Variants in PCDHGA4 observed in about 807,000 individuals in gnomAD.
PCDHGA4 encodes the protein protocadherin gamma subfamily A, 4, also known as protocadherin gamma-A4.
In PCDHGA4, 38 loss-of-function variants were observed where a neutral mutation model predicts 54.6. The observed-to-expected ratio is 0.70, with a 90% confidence interval of 0.54 to 0.91. The LOEUF (loss-of-function observed/expected upper bound fraction) is 0.91. Ranked by LOEUF, PCDHGA4 falls within the 40% of genes least tolerant of loss-of-function variation. The pLI, the probability that PCDHGA4 is intolerant of heterozygous loss-of-function variation, is 0.00. For synonymous variants in PCDHGA4, 511 were observed against 512.9 expected (o/e 1.00, Z 0.05); for missense variants, 1,298 against 1,220.9 (o/e 1.06, Z -0.94).
chr5:141,405,394 CTT>C lies in PCDHGA4; in HGVS notation c.2514+47775_2514+47776del, dbSNP rs1561700295. 3.8e-6 allele frequency: 6 copies of C among 1,593,014 alleles called. No individual in the cohort carries two copies. In the Admixed American group the frequency reaches 7.1e-5, roughly 19 times the overall value. On this transcript the variant is annotated intron_variant, in intron 1 of 3. Transcript: ENST00000571252. ...TGGTTCCGGTGAGTTCATTTTTTTT[CTT>C]TCTTTCTTTTCTTTTTTTGTTTTTT...
At position 141,431,026 on chromosome 5, in the gene PCDHGA4, G is replaced by A; in HGVS notation, c.2515-63781G>A. On this transcript the variant is annotated intron_variant, in intron 1 of 3. Coordinates refer to ENST00000571252, the MANE Select transcript of PCDHGA4 (RefSeq NM_018917.4). This position sits in a 1 kb window ranked among gnomAD's most constrained non-coding sequence, Gnocchi z 4.8. Reference sequence around the variant, plus strand: ...GCGGCAGCTTGGTCACGGCGGGCAGGATAGACCGGGAGGAGCTCTGTATGG... The same window carrying A: ...GCGGCAGCTTGGTCACGGCGGGCAGAATAGACCGGGAGGAGCTCTGTATGG... The A allele has an allele frequency of 1.2e-6, 2 of 1,614,118 alleles. No homozygotes were observed. The highest frequency in any genetic ancestry group is 1.7e-6 in the Non-Finnish European group (2 of 1,179,960).
Position 141,477,902 on chromosome 5 carries a change from T to A in PCDHGA4, c.2515-16905T>A. ...CCACCTAGTGTCACGGGTGGTAGGC[T>A]GGGACGCGGATGCAGGGCACAATGC... On this transcript the variant is annotated intron_variant, in intron 1 of 3. Transcript: ENST00000571252. The surrounding 1 kb of genome is among the most constrained non-coding windows in gnomAD (Gnocchi z 4.9). The A allele has an allele frequency of 6.2e-7, 1 of 1,614,176 alleles. No homozygotes were observed. Among genetic ancestry groups the A allele is most frequent in the Non-Finnish European group, 8.5e-7 (1 of 1,180,028 alleles).
chr5:141,402,563 T>C (rs2094279860), intron 1 of PCDHGA4, among the ~76,000 whole-genome samples: 1 of 152,232 alleles, frequency 6.6e-6, no homozygotes, highest in African/African-American at 2.4e-5. Flanking sequence ...TTCCACTTTA[T>C]TTACAACTCA....
In PCDHGA4 at chr5:141,359,468, C is replaced by T. The variant is rs539474224; in HGVS notation, c.2514+1847C>T. On this transcript the variant is annotated intron_variant, in intron 1 of 3. Transcript: ENST00000571252. ...TTAGCAAATAACAATTTTGATTAAACAAATTGTTGTATATTCATATTACGG... is the reference window on the plus strand; with the variant it reads ...TTAGCAAATAACAATTTTGATTAAATAAATTGTTGTATATTCATATTACGG... 1.8e-4 allele frequency among the ~76,000 whole-genome samples: 27 copies of T among 150,682 alleles called. No homozygotes were observed. In the South Asian group the frequency reaches 4.9e-3, roughly 27 times the overall value.
At chr5:141,389,498 A>T (rs376900362) in intron 1 of PCDHGA4, 6 of 1,612,928 alleles carry the variant, frequency 3.7e-6, no homozygotes, top group African/African-American at 1.3e-5. Context: ...AGGGCTCGCC[A>T]GCGCTCAGCG....
chr5:141,459,285 A>G (rs1316912878), intron 1 of PCDHGA4, among the ~76,000 whole-genome samples: 1 of 152,202 alleles, frequency 6.6e-6, no homozygotes, highest in Non-Finnish European at 1.5e-5. Context: ...TTTCATCTAA[A>G]TGGAATCCTA....
At chr5:141,403,102 G>T (rs765706858) in intron 1 of PCDHGA4, 1 of 1,614,046 alleles carries the variant, frequency 6.2e-7, no homozygotes, top group Admixed American at 1.7e-5. Context: ...ACATCTCCAA[G>T]GACCTGGCTC....
intron 1 of PCDHGA4, chr5:141,428,221 G>A (rs1314522513): frequency 5.9e-6 from 7 of 1,177,278 alleles, no homozygotes; most frequent in Non-Finnish European, 8.6e-6. Context: ...CCTAGTCTTC[G>A]CAGACAGCCT....
intron 1 of PCDHGA4, chr5:141,388,620 G>A (rs2091421768): frequency 6.2e-7 from 1 of 1,613,912 alleles, no homozygotes; most frequent in East Asian, 2.2e-5. Flanking sequence ...CAGTCAAGAC[G>A]TATACAGGGT....
At chr5:141,365,752 G>A in intron 1 of PCDHGA4, 1 of 1,613,696 alleles carries the variant, frequency 6.2e-7, no homozygotes, top group African/African-American at 1.3e-5. Flanking sequence ...TCTTCTCTGT[G>A]ACAGCCCATG....
chr5:141,394,535 C>T, intron 1 of PCDHGA4: 1 of 1,614,210 alleles, frequency 6.2e-7, no homozygotes, highest in Non-Finnish European at 8.5e-7. Flanking sequence ...GTTCCACTGG[C>T]GTGGAGCTGG....
chr5:141,485,416 C>T lies in PCDHGA4; in HGVS notation c.2515-9391C>T, dbSNP rs1311879785. On this transcript the variant is annotated intron_variant, in intron 1 of 3. Coordinates refer to ENST00000571252, the MANE Select transcript of PCDHGA4 (RefSeq NM_018917.4). This position sits in a 1 kb window ranked among gnomAD's most constrained non-coding sequence, Gnocchi z 5.7. Reference sequence around the variant, plus strand: ...GACACTTCCGTGTGGATTTGGACAGCGGAGCCCTGCTCATCAAGAACCCAA... The same window carrying T: ...GACACTTCCGTGTGGATTTGGACAGTGGAGCCCTGCTCATCAAGAACCCAA... 10 of 1,613,988 alleles carry T rather than the reference C, an allele frequency of 6.2e-6. No individual in the cohort carries two copies. Among genetic ancestry groups the T allele is most frequent in the South Asian group, 4.4e-5 (4 of 91,086 alleles).
intron 1 of PCDHGA4, chr5:141,410,503 A>G: frequency 6.2e-7 from 1 of 1,613,958 alleles, no homozygotes; most frequent in Non-Finnish European, 8.5e-7. Context: ...TTAATTTCCT[A>G]AAATGCAGTG....
At chr5:141,459,302 A>T (rs1401348885) in intron 1 of PCDHGA4, among the ~76,000 whole-genome samples, 1 of 152,210 alleles carries the variant, frequency 6.6e-6, no homozygotes, top group African/African-American at 2.4e-5. Flanking sequence ...CCTATAACAT[A>T]TACTATTTTG....
intron 1 of PCDHGA4, chr5:141,376,074 T>C (rs1309324229): frequency 6.2e-6 from 10 of 1,613,500 alleles, no homozygotes; most frequent in South Asian, 1.1e-5. Flanking sequence ...ACCGTGGCCG[T>C]GGCCGACAGG....
intron 1 of PCDHGA4, chr5:141,418,471 G>A (rs199547102): frequency 1.9e-6 from 3 of 1,614,002 alleles, no homozygotes; most frequent in South Asian, 2.2e-5. Flanking sequence ...ACCGAGAAAC[G>A]CAGAGCGCTC....
chr5:141,420,321 C>G (rs763682825), intron 1 of PCDHGA4: 2 of 1,410,974 alleles, frequency 1.4e-6, no homozygotes, highest in Non-Finnish European at 1.9e-6. Flanking sequence ...TACAATATGC[C>G]AATATATTCC....
intron 1 of PCDHGA4, chr5:141,418,959 C>A: frequency 6.2e-7 from 1 of 1,613,976 alleles, no homozygotes; most frequent in East Asian, 2.2e-5. Flanking sequence ...GTGGTTGTTG[C>A]CCTCTTCAAA....
rs376937850 is a variant in PCDHGA4 at position 141,491,097 on chromosome 5, C to T, written c.2515-3710C>T. The T allele has an allele frequency of 1.2e-6, 2 of 1,614,170 alleles. No homozygotes were observed. Among genetic ancestry groups the T allele is most frequent in the Non-Finnish European group, 1.7e-6 (2 of 1,180,018 alleles). On this transcript the variant is annotated intron_variant, in intron 1 of 3. Coordinates refer to ENST00000571252, the MANE Select transcript of PCDHGA4 (RefSeq NM_018917.4). The surrounding 1 kb of genome is among the most constrained non-coding windows in gnomAD (Gnocchi z 6.9). ...CACAGTCCACAGCCCCAGGACTGTT[C>T]CTCGTGTCTACACACACTGGTGAGG...
Sources: gnomAD v4.1 joint callset for allele counts (sites outside exome capture counted in the v4.1 genomes callset) on GRCh38, gnomAD v4.1.1 for gene constraint, Gnocchi (gnomAD v3.1) non-coding constraint, MANE v1.5 for transcripts, NCBI Gene and HGNC (gene_info 2026-07-23, HGNC 2026-07-21) for gene names.